ME2: variants seen among roughly 807,000 people sequenced by gnomAD.
The protein encoded by ME2 is NAD-dependent malic enzyme, mitochondrial.
In ME2, 60 loss-of-function variants were observed where a neutral mutation model predicts 73.7. That is an observed-to-expected ratio of 0.81 (90% CI 0.66 to 1.01). The LOEUF is 1.01. ME2 is among the 50% of genes least tolerant of loss of function. The pLI, the probability that ME2 is intolerant of heterozygous loss-of-function variation, is 0.00. For missense variants in ME2, 594 were observed against 705.5 expected, an observed-to-expected ratio of 0.84 and a Z score of 1.79; for synonymous variants, 199 against 236.9, an observed-to-expected ratio of 0.84 and a Z score of 1.47.
intron 3 of ME2, among the ~76,000 whole-genome samples, chr18:50,911,242 T>G (rs1917148107): frequency 6.6e-6 from 1 of 152,236 alleles, no homozygotes; most frequent in South Asian, 2.1e-4. Context: ...GCCCAGTTTG[T>G]TTACTTCCCT....
At chr18:50,899,827 T>C (rs1033300255) in intron 2 of ME2, among the ~76,000 whole-genome samples, 1 of 152,208 alleles carries the variant, frequency 6.6e-6, no homozygotes, top group East Asian at 1.9e-4. Context: ...AATGACCATA[T>C]CTTAGTCTGT....
intron 15 of ME2, among the ~76,000 whole-genome samples, chr18:50,943,136 G>A (rs754377681): frequency 6.6e-6 from 1 of 151,462 alleles, no homozygotes; most frequent in Non-Finnish European, 1.5e-5. Context: ...GCTTTTGATT[G>A]AAATAAGTAT....
intron 4 of ME2, among the ~76,000 whole-genome samples, chr18:50,915,104 T>C (rs761546782): frequency 3.3e-5 from 5 of 152,084 alleles, no homozygotes; most frequent in Non-Finnish European, 7.3e-5. Context: ...CTCCTCCTCC[T>C]CCTCCTCCTC....
chr18:50,893,748 C>T (rs2144193454), intron 1 of ME2, among the ~76,000 whole-genome samples: 1 of 152,298 alleles, frequency 6.6e-6, no homozygotes, highest in Non-Finnish European at 1.5e-5. Context: ...CTACTGCTGC[C>T]TTTTCCTCTT....
chr18:50,952,218 A>G lies in ME2; in HGVS notation c.*5034A>G, dbSNP rs1318861777. The G allele has an allele frequency of 6.6e-6, 1 of 152,244 alleles. No individual in the cohort carries two copies. The highest frequency in any genetic ancestry group is 2.4e-5 in the African/African-American group (1 of 41,470). 9.4% of individuals were successfully genotyped at this position (152,244 alleles called of 1,614,324 possible). A position where few individuals can be genotyped will look rare whatever the true frequency, so the allele number is the denominator to read the frequency against. ...AAAGTTCACAGCAATTTGACCATAG[A>G]AAACTTTCTCATCTGAAATCAGGGT... is the stretch of plus-strand genomic sequence containing the variant. On this transcript the variant is annotated 3_prime_UTR_variant, in exon 16 of 16. Coordinates refer to ENST00000321341, the MANE Select transcript of ME2 (RefSeq NM_002396.5).
rs1478476156 is a variant in ME2, at chr18:50,953,666, C to G, written c.*6482C>G. 4 of 152,118 alleles carry G rather than the reference C, an allele frequency of 2.6e-5. No homozygotes were observed. Among genetic ancestry groups the G allele is most frequent in the Non-Finnish European group, 4.4e-5 (3 of 68,022 alleles). 9.4% of individuals were successfully genotyped at this position (152,118 alleles called of 1,614,324 possible). On this transcript the variant is annotated 3_prime_UTR_variant, in exon 16 of 16. Transcript: ENST00000321341. Reference sequence around the variant, plus strand: ...AGTTGTGCTTATATATTATAATATTCACTTTAGGAATCCACCTGTCAATTT... The same window carrying G: ...AGTTGTGCTTATATATTATAATATTGACTTTAGGAATCCACCTGTCAATTT...
At chr18:50,930,595 G>A (rs947541281) in intron 12 of ME2, among the ~76,000 whole-genome samples, 3 of 152,152 alleles carry the variant, frequency 2.0e-5, no homozygotes, top group African/African-American at 7.2e-5. Context: ...CAGGGATGGT[G>A]ACCTGGAGAA....
chr18:50,917,236 T>C (rs1917306870), intron 5 of ME2, 111 bp from the exon 6 acceptor site: 5 of 824,538 alleles, frequency 6.1e-6, no homozygotes, highest in Non-Finnish European at 9.2e-6. Context: ...AACAATTTTA[T>C]TTTTAAGAGC....
At chr18:50,937,406 C>T (rs774396698) in intron 13 of ME2, among the ~76,000 whole-genome samples, 1 of 152,124 alleles carries the variant, frequency 6.6e-6, no homozygotes, top group Non-Finnish European at 1.5e-5. Context: ...AAAGCATGTG[C>T]GGTGATGCTC....
At chr18:50,911,073 G>A (rs1034827793) in intron 3 of ME2, among the ~76,000 whole-genome samples, 3 of 152,304 alleles carry the variant, frequency 2.0e-5, no homozygotes, top group Admixed American at 6.5e-5. Flanking sequence ...CATCACTGAG[G>A]CACACAGAAG....
intron 1 of ME2, among the ~76,000 whole-genome samples, chr18:50,888,002 TAACTA>T (rs1407177086): frequency 6.6e-6 from 1 of 152,168 alleles, no homozygotes; most frequent in Non-Finnish European, 1.5e-5. Context: ...CAGAAATAGA[TAACTA>T]AAGAGCTATA....
At chr18:50,931,116 G>A (rs1917680599) in intron 12 of ME2, among the ~76,000 whole-genome samples, 1 of 152,190 alleles carries the variant, frequency 6.6e-6, no homozygotes, top group Non-Finnish European at 1.5e-5. Context: ...ATGCTATAAA[G>A]AATAATAACA....
At chr18:50,907,209 G>T (rs1017290869) in intron 2 of ME2, among the ~76,000 whole-genome samples, 6 of 152,138 alleles carry the variant, frequency 3.9e-5, no homozygotes, top group Admixed American at 1.3e-4. Context: ...CATTTTCCTG[G>T]AATAGGGCTT....
chr18:50,882,357 G>C (rs1367668829), intron 1 of ME2, among the ~76,000 whole-genome samples: 1 of 152,062 alleles, frequency 6.6e-6, no homozygotes, highest in Non-Finnish European at 1.5e-5. Context: ...TATTTCGTAT[G>C]GGTTTTTTAA....
chr18:50,921,037 C>T (rs893716018), intron 9 of ME2, 37 bp from the exon 10 acceptor site: 7 of 1,015,598 alleles, frequency 6.9e-6, no homozygotes, highest in Non-Finnish European at 8.9e-6. Flanking sequence ...TTGCATCGTA[C>T]TCTAGTATAT....
chr18:50,932,039 T>C (rs780256311), intron 12 of ME2, among the ~76,000 whole-genome samples: 1 of 152,188 alleles, frequency 6.6e-6, no homozygotes, highest in Admixed American at 6.5e-5. Flanking sequence ...AAATGATTTT[T>C]AACTTTATTA....
At chr18:50,913,521 TG>T (rs1263095309) in intron 4 of ME2, among the ~76,000 whole-genome samples, 1 of 151,976 alleles carries the variant, frequency 6.6e-6, no homozygotes, top group Non-Finnish European at 1.5e-5. Flanking sequence ...TTAGTAGAGA[TG>T]GGATTTCACC....
At chr18:50,895,770 T>C (rs1450544819) in intron 1 of ME2, 39 bp from the exon 2 acceptor site, 1 of 1,325,716 alleles carries the variant, frequency 7.5e-7, no homozygotes, top group East Asian at 2.3e-5. Context: ...GCCTATAATA[T>C]GATTCTCTTC....
chr18:50,930,765 T>TA (rs1917672971), intron 12 of ME2, among the ~76,000 whole-genome samples: 1 of 152,214 alleles, frequency 6.6e-6, no homozygotes, highest in Non-Finnish European at 1.5e-5. Context: ...GAAAAATAAT[T>TA]ATGTACTTAT....
Sources: gnomAD v4.1 joint callset for allele counts (sites outside exome capture counted in the v4.1 genomes callset) on GRCh38, gnomAD v4.1.1 for gene constraint, MANE v1.5 for transcripts, NCBI Gene and HGNC (gene_info 2026-07-23, HGNC 2026-07-21) for gene names.